Variants in AMOT observed in about 807,000 individuals in gnomAD.
AMOT encodes the protein angiomotin.
In AMOT, 11 loss-of-function variants were observed where a neutral mutation model predicts 67.0. The observed-to-expected ratio is 0.16, with a 90% confidence interval of 0.10 to 0.27. The LOEUF (loss-of-function observed/expected upper bound fraction) is 0.27, where lower values mean the gene tolerates loss of function less well. Ranked by LOEUF, AMOT falls within the 10% of genes least tolerant of loss-of-function variation. The probability of loss-of-function intolerance (pLI) is 1.00; values close to 1 mark genes in which losing one functional copy is unlikely to be tolerated. For missense variants in AMOT, 753 were observed against 852.0 expected, an observed-to-expected ratio of 0.88 and a Z score of 1.45; for synonymous variants, 326 against 321.4, an observed-to-expected ratio of 1.01 and a Z score of -0.15.
intron 2 of AMOT, among the ~76,000 whole-genome samples, chrX:112,831,054 C>A (rs142729282): frequency 0.014 from 1,519 of 110,151 alleles, 33 homozygotes; most frequent in African/African-American, 0.047. Context: ...TTAAGGTCAG[C>A]CCTGTTTAAT....
At chrX:112,819,326 A>C (rs1193949016) in intron 4 of AMOT, 2 of 751,419 alleles carry the variant, frequency 2.7e-6, no homozygotes, top group East Asian at 3.0e-4. Context: ...GATCCTCACC[A>C]CAGAAACTGC....
At chrX:112,827,148 C>T (rs1432770668) in intron 2 of AMOT, among the ~76,000 whole-genome samples, 4 of 112,813 alleles carry the variant, frequency 3.5e-5, no homozygotes, top group Non-Finnish European at 7.5e-5. Context: ...TGAGCCACCA[C>T]GCTAGGCCCC....
chrX:112,783,121 C>T (rs1301217136), intron 10 of AMOT, among the ~76,000 whole-genome samples: 1 of 109,233 alleles, frequency 9.2e-6, no homozygotes, highest in Admixed American at 9.8e-5. Flanking sequence ...ATGGAGAAAC[C>T]CTGTCTCTAC....
intron 5 of AMOT, among the ~76,000 whole-genome samples, chrX:112,814,940 A>G (rs1934494365): frequency 8.9e-6 from 1 of 112,063 alleles, no homozygotes; most frequent in Admixed American, 9.4e-5. Flanking sequence ...TAGGAACTAC[A>G]TTTATTTTTA....
intron 2 of AMOT, among the ~76,000 whole-genome samples, chrX:112,830,886 G>A (rs1934970276): frequency 8.9e-6 from 1 of 111,760 alleles, no homozygotes; most frequent in African/African-American, 3.3e-5. Context: ...CAGTTCTTGT[G>A]ACCCAACCTG....
chrX:112,781,170 G>A (rs185711243), intron 11 of AMOT, 52 bp from the exon 12 acceptor site: 39 of 1,107,005 alleles, frequency 3.5e-5, no homozygotes, highest in East Asian at 1.5e-4. Flanking sequence ...GGCTGGGCGC[G>A]GTGGCTTACG....
chrX:112,811,150 G>C lies in AMOT; in HGVS notation c.1537+99C>G, dbSNP rs995120515. ...ATTTACTGCCCATACCGGTGGGTTG[G>C]ACAACCCCAAAGAGCCTAGTTGGAT... On this transcript the variant is annotated intron_variant, in intron 6 of 13. Transcript: ENST00000371959. 1.4e-5 allele frequency: 16 copies of C among 1,107,912 alleles called. No homozygotes were observed. The Admixed American group carries it at 3.0e-4, about 21-fold the overall frequency. The allele number at this position is 1,107,912 out of a possible 1,213,427, so 91.3% of individuals were successfully genotyped here. A position where few individuals can be genotyped will look rare whatever the true frequency, so the allele number is the denominator to read the frequency against.
chrX:112,780,795 G>A, intron 12 of AMOT, 91 bp downstream of exon 12: 1 of 968,840 alleles, frequency 1.0e-6, no homozygotes, highest in Non-Finnish European at 1.4e-6. Flanking sequence ...TCTAGAACCT[G>A]GACCATCATC....
At position 112,815,514 on chromosome X, in the gene AMOT, C is replaced by G; in HGVS notation, c.1236G>C (p.Arg412=). The change falls in exon 5 of 14, where the codon CGG becomes CGC. Residue 412 remains arginine (R), a synonymous_variant. Transcript: ENST00000371959. ...GATAAGAAGCAGAGGATGGCTGAGCCCGAGGCATAGCTGAATAGGCTTCTC... is the reference window on the plus strand; with the variant it reads ...GATAAGAAGCAGAGGATGGCTGAGCGCGAGGCATAGCTGAATAGGCTTCTC... The part of the protein sequence containing the change: ...QPGEAYSAMP[R]AQPSSASYQP... 8.3e-7 allele frequency: 1 copy of G among 1,211,416 alleles called. No homozygotes were observed. Among genetic ancestry groups the G allele is most frequent in the African/African-American group, 1.7e-5 (1 of 57,643 alleles).
intron 4 of AMOT, among the ~76,000 whole-genome samples, chrX:112,821,904 A>G (rs1057388264): frequency 1.8e-5 from 2 of 112,284 alleles, no homozygotes; most frequent in Non-Finnish European, 3.8e-5. Flanking sequence ...GTGCAAGGTA[A>G]TTTGCTTCTA....
chrX:112,822,713 G>A lies in AMOT; in HGVS notation c.414C>T (p.Asn138=). ...GGCGTCCCTCAGTCCTCATCTTCTG[G>A]TTGGTGACTCCAGTGACATAGAAGG... ...GAAFYVTGVT[N]QKMRTEGRPS... The change falls in exon 4 of 14, where the codon AAC becomes AAT. Residue 138 remains asparagine, a synonymous_variant. Coordinates refer to ENST00000371959, the MANE Select transcript of AMOT (RefSeq NM_001113490.2). The A allele has an allele frequency of 8.6e-7, 1 of 1,166,612 alleles. No individual in the cohort carries two copies. Among genetic ancestry groups the A allele is most frequent in the South Asian group, 1.9e-5 (1 of 52,688 alleles).
intron 4 of AMOT, among the ~76,000 whole-genome samples, chrX:112,817,114 G>T (rs1934587911): frequency 8.9e-6 from 1 of 111,786 alleles, no homozygotes; most frequent in Non-Finnish European, 1.9e-5. Context: ...CTCAATCCAG[G>T]GAAGACAGAT....
At chrX:112,824,457 C>T (rs762414626) in intron 3 of AMOT, among the ~76,000 whole-genome samples, 5 of 111,515 alleles carry the variant, frequency 4.5e-5, no homozygotes, top group African/African-American at 1.6e-4. Flanking sequence ...TATTAAGTGG[C>T]CTGCAATCTC....
intron 8 of AMOT, among the ~76,000 whole-genome samples, chrX:112,799,444 C>T (rs956146964): frequency 1.8e-5 from 2 of 111,957 alleles, no homozygotes; most frequent in Non-Finnish European, 1.9e-5. Flanking sequence ...GTCTAATTTT[C>T]CTCTTCCCCT....
At chrX:112,783,728 G>A (rs1041917238) in intron 10 of AMOT, among the ~76,000 whole-genome samples, 3 of 109,451 alleles carry the variant, frequency 2.7e-5, no homozygotes, top group Admixed American at 9.9e-5. Context: ...TGTGGTGGGC[G>A]GGTGAGGGAG....
chrX:112,778,336 T>TGA lies in AMOT; in HGVS notation c.*230_*231insTC. The TGA allele has an allele frequency of 3.4e-6, 1 of 292,386 alleles. No individual in the cohort carries two copies. 24.1% of individuals were successfully genotyped at this position (292,386 alleles called of 1,213,427 possible). ...ATTCGTATAAATTCAAACAATAAGC[T>TGA]TTAGAGCACATTCTGATTAATCTGT... On this transcript the variant is annotated 3_prime_UTR_variant, in exon 14 of 14. Coordinates refer to ENST00000371959, the MANE Select transcript of AMOT (RefSeq NM_001113490.2).
chrX:112,795,597 A>G (rs1933785577), intron 8 of AMOT, among the ~76,000 whole-genome samples: 1 of 110,801 alleles, frequency 9.0e-6, no homozygotes, highest in Admixed American at 9.6e-5. Flanking sequence ...ATGGCCCACA[A>G]ACTCCAAAAT....
chrX:112,815,210 G>C, intron 5 of AMOT, 148 bp downstream of exon 5: 4 of 765,177 alleles, frequency 5.2e-6, no homozygotes, highest in Non-Finnish European at 5.6e-6. Context: ...TCCAAAGTTT[G>C]ACTCATATCT....
At chrX:112,804,812 G>A (rs1602786234) in intron 8 of AMOT, 135 bp downstream of exon 8, 1 of 883,632 alleles carries the variant, frequency 1.1e-6, no homozygotes, top group African/African-American at 2.0e-5. Flanking sequence ...CAGCACAGTG[G>A]AAACTAGGAG....
Sources: allele counts gnomAD v4.1 joint callset (sites outside exome capture counted in the v4.1 genomes callset), GRCh38; gene constraint gnomAD v4.1.1; transcripts MANE v1.5; gene names NCBI Gene and HGNC (gene_info 2026-07-23, HGNC 2026-07-21).